The following MIDEAS variants were observed in gnomAD, a reference collection of about 807,000 sequenced individuals.
MIDEAS encodes mitotic deacetylase associated SANT domain protein, also known as mitotic deacetylase-associated SANT domain protein.
MIDEAS carries 26 observed loss-of-function variants against 102.7 expected under a neutral mutation model. The ratio of observed to expected loss-of-function variants is 0.25; its 90% confidence interval spans 0.19 to 0.35. The LOEUF (loss-of-function observed/expected upper bound fraction) is 0.35. Ranked by LOEUF, MIDEAS falls within the 10% of genes least tolerant of loss-of-function variation. The pLI is 1.00. For synonymous variants in MIDEAS, 585 were observed against 591.0 expected, an observed-to-expected ratio of 0.99 and a Z score of 0.15; for missense variants, 1,231 against 1,435.6, an observed-to-expected ratio of 0.86 and a Z score of 2.30.
upstream of MIDEAS, among the ~76,000 whole-genome samples, chr14:73,762,167 G>C (rs367634402): frequency 1.3e-5 from 2 of 152,238 alleles, no homozygotes; most frequent in East Asian, 3.9e-4. Context: ...GTTGGCCTTA[G>C]GCCAGCCCAG....
In MIDEAS at chr14:73,717,563, A is replaced by G. The variant is rs557288865; in HGVS notation, c.*1280T>C. 6.5e-6 allele frequency: 1 copy of G among 152,724 alleles called. No individual in the cohort carries two copies. Among genetic ancestry groups the G allele is most frequent in the Non-Finnish European group, 1.5e-5 (1 of 68,030 alleles). The allele number at this position is 152,724 out of a possible 1,614,324, so 9.5% of individuals were successfully genotyped here. On this transcript the variant is annotated 3_prime_UTR_variant, in exon 13 of 13. Coordinates refer to ENST00000423556, the MANE Select transcript of MIDEAS (RefSeq NM_001367710.1). ...CTCTTTCAGTGTTGCTATCATTCCT[A>G]TCAGCAAGAGCTTCCAGAGCAACCA...
At chr14:73,783,107 T>C (rs11626364) in intron 1 of MIDEAS, among the ~76,000 whole-genome samples, 18,446 of 152,238 alleles carry the variant, frequency 0.12, 1,293 homozygotes, top group Middle Eastern at 0.21. Context: ...AATTGTAGTA[T>C]TTATTCACCC....
intron 4 of MIDEAS, 128 bp downstream of exon 4, chr14:73,729,512 A>C: frequency 1.3e-6 from 1 of 755,596 alleles, no homozygotes; most frequent in South Asian, 2.2e-5. Context: ...AATCTCAGAG[A>C]AGACAGAGCA....
intron 1 of MIDEAS, among the ~76,000 whole-genome samples, chr14:73,752,611 T>G (rs1333360322): frequency 2.0e-5 from 3 of 152,104 alleles, no homozygotes. Context: ...AGTCTCAGTG[T>G]GGCTGCCTGG....
At position 73,718,841 on chromosome 14, in the gene MIDEAS, G is replaced by A. The variant is rs2052936692; in HGVS notation, c.*2C>T. ...AGGACTGGGCCAGCCTGGCTCCCGCGCTCAGCCCTTGTCGCCCGCACCGCT... is the reference window on the plus strand; with the variant it reads ...AGGACTGGGCCAGCCTGGCTCCCGCACTCAGCCCTTGTCGCCCGCACCGCT... On this transcript the variant is annotated 3_prime_UTR_variant, in exon 13 of 13. Coordinates refer to ENST00000423556, the MANE Select transcript of MIDEAS (RefSeq NM_001367710.1). 6.8e-7 allele frequency: 1 copy of A among 1,461,164 alleles called. No homozygotes were observed. The allele number at this position is 1,461,164 out of a possible 1,614,324, so 90.5% of individuals were successfully genotyped here.
rs1166759348 is a variant in MIDEAS, at chr14:73,715,858, G to A, written c.*2985C>T. 3.9e-5 allele frequency: 6 copies of A among 152,518 alleles called. No individual in the cohort carries two copies. Among genetic ancestry groups the A allele is most frequent in the Non-Finnish European group, 5.9e-5 (4 of 68,116 alleles). 9.4% of individuals were successfully genotyped at this position (152,518 alleles called of 1,614,324 possible). On this transcript the variant is annotated 3_prime_UTR_variant, in exon 13 of 13. Coordinates refer to ENST00000423556, the MANE Select transcript of MIDEAS (RefSeq NM_001367710.1). ...ACCTTGGTGCCAGGGGTGGAGGCGC[G>A]GCAGAAGGGGTGGTATGTACCTTAG...
intron 1 of MIDEAS, among the ~76,000 whole-genome samples, chr14:73,776,810 C>T (rs1308346328): frequency 1.3e-5 from 2 of 151,978 alleles, no homozygotes; most frequent in African/African-American, 4.8e-5. Context: ...CTCAGGCTCA[C>T]GCCTGTAACC....
intron 3 of MIDEAS, chr14:73,730,302 A>C (rs2140108399): frequency 2.2e-6 from 1 of 444,916 alleles, no homozygotes; most frequent in African/African-American, 2.0e-5. Context: ...ACACATTCTT[A>C]GCTCTGGATC....
chr14:73,731,328 T>C (rs1046201342), intron 3 of MIDEAS, among the ~76,000 whole-genome samples: 9 of 152,208 alleles, frequency 5.9e-5, no homozygotes, highest in African/African-American at 1.9e-4. Context: ...CTGGCTCCCA[T>C]AAACACATTC....
intron 7 of MIDEAS, 60 bp downstream of exon 7, chr14:73,726,544 A>C (rs1410202780): frequency 3.3e-6 from 5 of 1,508,640 alleles, no homozygotes; most frequent in Non-Finnish European, 4.6e-6. Context: ...TGAGCAGCAG[A>C]CATGGATCCA....
At chr14:73,751,957 T>C (rs2053425660) in intron 1 of MIDEAS, among the ~76,000 whole-genome samples, 1 of 152,060 alleles carries the variant, frequency 6.6e-6, no homozygotes, top group African/African-American at 2.4e-5. Context: ...CAAGTCCCCA[T>C]GGAGTCTAGG....
upstream of MIDEAS, among the ~76,000 whole-genome samples, chr14:73,764,157 T>C (rs954025352): frequency 2.0e-5 from 3 of 151,772 alleles, no homozygotes; most frequent in Non-Finnish European, 4.4e-5. Flanking sequence ...CTGGCTAACA[T>C]GGTAAAACCC....
intron 10 of MIDEAS, 125 bp downstream of exon 10, chr14:73,722,573 G>T: frequency 8.4e-7 from 1 of 1,183,484 alleles, no homozygotes; most frequent in Non-Finnish European, 1.2e-6. Flanking sequence ...GCGGCTGTCA[G>T]GGACACTGTC....
rs747299615 is a variant in MIDEAS at position 73,719,296 on chromosome 14, C to A, written c.3134+9G>T. 1.2e-6 allele frequency: 2 copies of A among 1,612,736 alleles called. No homozygotes were observed. Among genetic ancestry groups the A allele is most frequent in the Non-Finnish European group, 1.7e-6 (2 of 1,179,664 alleles). On this transcript the variant is annotated intron_variant, in intron 12 of 12. Coordinates refer to ENST00000423556, the MANE Select transcript of MIDEAS (RefSeq NM_001367710.1). ...GGGGTCCCAGCGGGGACAGCGCTGC[C>A]CACCTTACCTGCCACATTTTTTACA...
chr14:73,735,367 T>A (rs1040187795), intron 3 of MIDEAS, among the ~76,000 whole-genome samples: 4 of 152,256 alleles, frequency 2.6e-5, no homozygotes, highest in Non-Finnish European at 5.9e-5. Flanking sequence ...ATGTTAATTT[T>A]ATTTTATTCT....
Position 73,729,804 on chromosome 14 carries a change from G to T in MIDEAS, c.1931C>A (p.Pro644His), listed in dbSNP as rs2053113601. ...LRSPVRLADH[P>H]SERSFELPPY... is the part of the protein sequence containing the mutation. ...AGGTAGCTCAAAGCTCCGCTCAGAG[G>T]GGTGGTCAGCTAGGCGCACGGGAGA... Residue 644 changes from proline to histidine, a missense_variant, in exon 4 of 13, where the codon CCC becomes CAC. By Grantham distance (77) the Pro-to-His change is moderately conservative (BLOSUM62 -2). Transcript: ENST00000423556. 1 of 1,613,426 alleles carries T rather than the reference G, an allele frequency of 6.2e-7. No individual in the cohort carries two copies. Among genetic ancestry groups the T allele is most frequent in the Non-Finnish European group, 8.5e-7 (1 of 1,179,898 alleles).
Position 73,725,366 on chromosome 14 carries a change from G to A in MIDEAS, c.2486-6C>T. ...CATCTTCCACTGGTCAGAGCCTATG[G>A]GGCAAAGAGGCAGCCAGGGAGTGAG... is the stretch of plus-strand genomic sequence containing the variant. On this transcript the variant is annotated splice_region_variant and splice_polypyrimidine_tract_variant and intron_variant, in intron 8 of 12. Transcript: ENST00000423556. The surrounding 1 kb of genome is among the most constrained non-coding windows in gnomAD (Gnocchi z 4.1). The A allele has an allele frequency of 6.2e-7, 1 of 1,613,496 alleles. No individual in the cohort carries two copies. Among genetic ancestry groups the A allele is most frequent in the South Asian group, 1.1e-5 (1 of 91,056 alleles).
chr14:73,722,204 A>G (rs1156310077), intron 10 of MIDEAS, among the ~76,000 whole-genome samples: 1 of 152,236 alleles, frequency 6.6e-6, no homozygotes, highest in Non-Finnish European at 1.5e-5. Context: ...TTTTACCAGT[A>G]CCTTCTATTT....
chr14:73,744,568 C>G (rs2053325939), intron 1 of MIDEAS, among the ~76,000 whole-genome samples: 1 of 152,162 alleles, frequency 6.6e-6, no homozygotes, highest in Non-Finnish European at 1.5e-5. Flanking sequence ...GATCATGGGT[C>G]TGTCACCCAA....
Sources: allele counts gnomAD v4.1 joint callset (sites outside exome capture counted in the v4.1 genomes callset), GRCh38; gene constraint gnomAD v4.1.1; non-coding constraint Gnocchi (gnomAD v3.1); transcripts MANE v1.5; gene names NCBI Gene and HGNC (gene_info 2026-07-23, HGNC 2026-07-21).